The following CFAP58 variants were observed in gnomAD, a reference collection of about 807,000 sequenced individuals.
CFAP58 encodes cilia and flagella associated protein 58, also known as cilia- and flagella-associated protein 58.
Under a neutral mutation model 119.5 loss-of-function variants are expected in CFAP58, and 88 were observed. The ratio of observed to expected loss-of-function variants is 0.74; its 90% CI spans 0.62 to 0.88. The LOEUF (loss-of-function observed/expected upper bound fraction) is 0.88. Ranked by LOEUF, CFAP58 falls within the 40% of genes least tolerant of loss-of-function variation. CFAP58 has a pLI of 0.00. For synonymous variants in CFAP58, 365 were observed against 366.3 expected (o/e 1.00, Z 0.04); for missense variants, 990 against 1,021.2 (o/e 0.97, Z 0.42).
chr10:104,362,052 C>T lies in CFAP58; in HGVS notation c.321C>T (p.Asp107=). 1 of 1,613,982 alleles carries T rather than the reference C, an allele frequency of 6.2e-7. No homozygotes were observed. Among genetic ancestry groups the T allele is most frequent in the Non-Finnish European group, 8.5e-7 (1 of 1,179,908 alleles). Residue 107 remains aspartate (D), a synonymous_variant, in exon 3 of 18, where the codon GAC becomes GAT. Transcript: ENST00000369704. ...KEIEKAWKMV[D]SAYDKEQKAK... ...TTGAAAAGGCCTGGAAGATGGTGGA[C>T]TCAGCCTATGACAAAGAGCAGAAGG...
At chr10:104,399,584 T>A in intron 12 of CFAP58, 84 bp downstream of exon 12, 1 of 1,421,698 alleles carries the variant, frequency 7.0e-7, no homozygotes, top group Non-Finnish European at 9.6e-7. Context: ...CCTTCCTCTC[T>A]AAGCTCTTCC....
chr10:104,357,932 C>CACATATGT (rs2014594929), intron 1 of CFAP58, among the ~76,000 whole-genome samples: 1 of 107,376 alleles, frequency 9.3e-6, no homozygotes, highest in African/African-American at 4.9e-5. Context: ...TACACATATA[C>CACATATGT]ACACATATAT....
intron 15 of CFAP58, among the ~76,000 whole-genome samples, chr10:104,409,320 T>A (rs2012421052): frequency 6.6e-6 from 1 of 152,230 alleles, no homozygotes; most frequent in Non-Finnish European, 1.5e-5. Context: ...ATTTAAGTTA[T>A]CTTTTACTTA....
intron 15 of CFAP58, among the ~76,000 whole-genome samples, chr10:104,431,313 A>T (rs1337476296): frequency 6.6e-6 from 1 of 152,236 alleles, no homozygotes; most frequent in African/African-American, 2.4e-5. Flanking sequence ...TAAACAAGTA[A>T]CTATAACTAC....
the CFAP58 span, among the ~76,000 whole-genome samples, chr10:104,344,899 G>A: frequency 6.6e-6 from 1 of 152,016 alleles, no homozygotes; most frequent in Admixed American, 6.5e-5. Flanking sequence ...TGTAATCCCA[G>A]CACTTTGGGA....
rs187881228 is a variant in CFAP58, at chr10:104,424,017, A to C, written c.2256+17224A>C. Among the ~76,000 whole-genome samples the C allele has an allele frequency of 2.0e-5, 3 of 152,272 alleles. No individual in the cohort carries two copies. The East Asian group carries it at 5.8e-4, about 29-fold the overall frequency. On this transcript the variant is annotated intron_variant, in intron 15 of 17. Coordinates refer to ENST00000369704, the MANE Select transcript of CFAP58 (RefSeq NM_001008723.2). ...TAGGGGAATTTATAGAATCGTTTAG[A>C]TTGGAAGAAATCTCTGGTGGGTCAT...
chr10:104,442,439 T>C (rs1285890481), intron 15 of CFAP58, among the ~76,000 whole-genome samples: 1 of 151,998 alleles, frequency 6.6e-6, no homozygotes, highest in Non-Finnish European at 1.5e-5. Context: ...AATACAAAAA[T>C]TAGCTGGGCG....
At chr10:104,452,027 C>G (rs2013204006) in intron 17 of CFAP58, among the ~76,000 whole-genome samples, 1 of 152,144 alleles carries the variant, frequency 6.6e-6, no homozygotes, top group Non-Finnish European at 1.5e-5. Flanking sequence ...GCATGAGCCA[C>G]TGTGCCCTGC....
intron 15 of CFAP58, among the ~76,000 whole-genome samples, chr10:104,411,256 A>G (rs2012455804): frequency 6.6e-6 from 1 of 152,312 alleles, no homozygotes; most frequent in South Asian, 2.1e-4. Flanking sequence ...TTATCTGCTA[A>G]TAGTCAATCC....
chr10:104,419,070 C>G (rs528561101), intron 15 of CFAP58, among the ~76,000 whole-genome samples: 1 of 152,170 alleles, frequency 6.6e-6, no homozygotes, highest in African/African-American at 2.4e-5. Context: ...GTGTCCCCGT[C>G]GTGCTCCTGG....
At chr10:104,452,296 CAATT>C (rs2013209744) in intron 17 of CFAP58, among the ~76,000 whole-genome samples, 1 of 151,618 alleles carries the variant, frequency 6.6e-6, no homozygotes, top group Non-Finnish European at 1.5e-5. Flanking sequence ...AGAAAATAAT[CAATT>C]AATAAAATTA....
Position 104,392,589 on chromosome 10 carries a change from C to T in CFAP58, c.1527+195C>T, listed in dbSNP as rs532310994. ...ACACATCTTAATAGGATGTGGAGAT[C>T]ATGGTCCTACTTTTAATTATTATGT... is the stretch of plus-strand genomic sequence containing the variant. On this transcript the variant is annotated intron_variant, in intron 10 of 17. Coordinates refer to ENST00000369704, the MANE Select transcript of CFAP58 (RefSeq NM_001008723.2). Among the ~76,000 whole-genome samples the T allele has an allele frequency of 1.1e-4, 16 of 150,992 alleles. No homozygotes were observed. The South Asian group carries it at 3.1e-3, about 30-fold the overall frequency.
Position 104,358,423 on chromosome 10 carries a change from C to A in CFAP58, c.92C>A (p.Ser31Tyr). 1 of 1,613,982 alleles carries A rather than the reference C, an allele frequency of 6.2e-7. No individual in the cohort carries two copies. Among genetic ancestry groups the A allele is most frequent in the Admixed American group, 1.7e-5 (1 of 60,016 alleles). ...TTTCAGGGAGTTCTCCATGAACTTT[C>A]TGGAGACAAAAGTTTGGAAAAATTT... The part of the protein sequence containing the change: ...RDFQGVLHEL[S>Y]GDKSLEKFRI... Residue 31 changes from serine to tyrosine, a missense_variant, in exon 2 of 18, where the codon TCT becomes TAT. Transcript: ENST00000369704.
chr10:104,406,219 G>A (rs1391213411), intron 14 of CFAP58, among the ~76,000 whole-genome samples: 3 of 152,304 alleles, frequency 2.0e-5, no homozygotes, highest in Non-Finnish European at 4.4e-5. Context: ...GCGTGATTCC[G>A]GCTCTGAGCC....
rs770693151 is a variant in CFAP58, at chr10:104,438,343, TTTTTG to T, written c.2257-9350_2257-9346del. ...TTTTTATTGTTTTTTTGTTTTTTGTTTTTTGTTTTTTTTTTTTGTTTTTTTTTTTT... is the reference window on the plus strand; with the variant it reads ...TTTTTATTGTTTTTTTGTTTTTTGTTTTTTTTTTTTTTGTTTTTTTTTTTT... On this transcript the variant is annotated intron_variant, in intron 15 of 17. Transcript: ENST00000369704. Among the ~76,000 whole-genome samples, 113 of 69,114 alleles carry T rather than the reference TTTTTG, an allele frequency of 1.6e-3. 1 individual carries two copies. The highest frequency in any genetic ancestry group is 2.6e-3 in the Non-Finnish European group (92 of 35,874). 45.3% of individuals were successfully genotyped at this position (69,114 alleles called of 152,430 possible).
Position 104,364,781 on chromosome 10 carries a change from C to G in CFAP58, c.489C>G (p.Asp163Glu). The G allele has an allele frequency of 6.2e-7, 1 of 1,612,576 alleles. No individual in the cohort carries two copies. The highest frequency in any genetic ancestry group is 8.5e-7 in the Non-Finnish European group (1 of 1,179,374). The stretch of plus-strand genomic sequence containing the variant: ...AAGAAGAAGTGACAAAGGAGAGAGA[C>G]CAGCTCTTATCAGAAGTGGTAAAAT... ...RFKEEVTKERDQLLSEVVKLR... is the reference protein window; with the variant it reads ...RFKEEVTKEREQLLSEVVKLR... Residue 163 changes from aspartate (D) to glutamate (E), a missense_variant, in exon 4 of 18, where the codon GAC becomes GAG. Coordinates refer to ENST00000369704, the MANE Select transcript of CFAP58 (RefSeq NM_001008723.2).
chr10:104,454,942 T>G lies in CFAP58; in HGVS notation c.*412T>G, dbSNP rs1254166908. 6.5e-6 allele frequency: 1 copy of G among 153,726 alleles called. No individual in the cohort carries two copies. Among genetic ancestry groups the G allele is most frequent in the Non-Finnish European group, 1.4e-5 (1 of 69,094 alleles). The allele number at this position is 153,726 out of a possible 1,614,324, so 9.5% of individuals were successfully genotyped here. A position where few individuals can be genotyped will look rare whatever the true frequency, so the allele number is the denominator to read the frequency against. On this transcript the variant is annotated 3_prime_UTR_variant, in exon 18 of 18. Transcript: ENST00000369704. ...TATTCCTCATTAACAAGTCATTGCA[T>G]GAGATGAGAAAGAAGGACAAACTCT...
At chr10:104,356,459 C>T (rs529046440) in intron 1 of CFAP58, among the ~76,000 whole-genome samples, 4 of 152,252 alleles carry the variant, frequency 2.6e-5, no homozygotes, top group Non-Finnish European at 5.9e-5. Context: ...GATGCCAAGG[C>T]CCTTTGTAGA....
chr10:104,345,501 TGA>T, the CFAP58 span, among the ~76,000 whole-genome samples: 8 of 152,064 alleles, frequency 5.3e-5, no homozygotes, highest in African/African-American at 1.7e-4. Flanking sequence ...GCTGTGTGTG[TGA>T]GTTTATAAGT....
Sources: allele counts gnomAD v4.1 joint callset (sites outside exome capture counted in the v4.1 genomes callset), GRCh38; gene constraint gnomAD v4.1.1; transcripts MANE v1.5; gene names NCBI Gene and HGNC (gene_info 2026-07-23, HGNC 2026-07-21).